HAUS6: variants seen among roughly 807,000 people sequenced by gnomAD.
The protein encoded by HAUS6 is HAUS augmin-like complex subunit 6.
In HAUS6, 80 loss-of-function variants were observed where a neutral mutation model predicts 106.8. The ratio of observed to expected loss-of-function variants is 0.75; its 90% CI spans 0.63 to 0.90. The LOEUF (loss-of-function observed/expected upper bound fraction) is 0.90, where lower values mean the gene tolerates loss of function less well. Ranked by LOEUF, HAUS6 falls within the 40% of genes least tolerant of loss-of-function variation. HAUS6 has a pLI of 0.00. For missense variants in HAUS6, 1,155 were observed against 1,118.1 expected, an observed-to-expected ratio of 1.03 and a Z score of -0.47; for synonymous variants, 356 against 379.1, an observed-to-expected ratio of 0.94 and a Z score of 0.71.
At position 19,065,836 on chromosome 9, in the gene HAUS6, C is replaced by T. The variant is rs149901274; in HGVS notation, c.1377-2256G>A. Among the ~76,000 whole-genome samples, 798 of 152,082 alleles carry T rather than the reference C, an allele frequency of 5.2e-3. 5 individuals are homozygous for T. The highest frequency in any genetic ancestry group is 0.019 in the African/African-American group (768 of 41,486). On this transcript the variant is annotated intron_variant, in intron 12 of 16. Coordinates refer to ENST00000380502, the MANE Select transcript of HAUS6 (RefSeq NM_017645.5). ...AGCCTGGGCAACAGGAACGAAACTC[C>T]GCCTCAAAAATAAATTAATGAATAA...
intron 12 of HAUS6, among the ~76,000 whole-genome samples, chr9:19,066,523 G>T (rs184561950): frequency 6.6e-5 from 10 of 152,128 alleles, no homozygotes; most frequent in Non-Finnish European, 1.3e-4. Context: ...AAACATAGAA[G>T]TTAGATGTCT....
chr9:19,063,875 A>T, intron 12 of HAUS6: 1 of 518,584 alleles, frequency 1.9e-6, no homozygotes, highest in Non-Finnish European at 3.7e-6. Context: ...CACAACTTGA[A>T]CACAGGTTAA....
intron 5 of HAUS6, 47 bp from the exon 6 acceptor site, chr9:19,087,203 A>C (rs1293888890): frequency 1.0e-6 from 1 of 998,098 alleles, no homozygotes; most frequent in Non-Finnish European, 1.6e-6. Context: ...ATTACGATTA[A>C]TTAGTATAGC....
Position 19,096,689 on chromosome 9 carries a change from G to C in HAUS6, c.209C>G (p.Thr70Ser). The change falls in exon 2 of 17, where the codon ACC becomes AGC. Residue 70 changes from threonine (T) to serine (S), a missense_variant. Coordinates refer to ENST00000380502, the MANE Select transcript of HAUS6 (RefSeq NM_017645.5). ...FLFQVLDQSL[T>S]KEVFKFCWPP... ...TTTTCCTTACTTGAAAACTTCTTTG[G>C]TGAGAGACTGGTCCAGAACTTGAAA... The C allele has an allele frequency of 6.8e-7, 1 of 1,468,932 alleles. No homozygotes were observed. Among genetic ancestry groups the C allele is most frequent in the Non-Finnish European group, 9.3e-7 (1 of 1,075,384 alleles). 91.0% of individuals were successfully genotyped at this position (1,468,932 alleles called of 1,614,324 possible).
At chr9:19,097,772 A>AG (rs1817894758) in intron 1 of HAUS6, among the ~76,000 whole-genome samples, 1 of 151,794 alleles carries the variant, frequency 6.6e-6, no homozygotes, top group African/African-American at 2.4e-5. Context: ...AAGCCTAAAA[A>AG]AAAAAAAAGT....
chr9:19,097,387 T>C (rs1564022770), intron 1 of HAUS6, among the ~76,000 whole-genome samples: 1 of 151,730 alleles, frequency 6.6e-6, no homozygotes, highest in African/African-American at 2.4e-5. Context: ...TAAAATGAAC[T>C]CAAACAAATT....
rs1427112850 is a variant in HAUS6, at chr9:19,089,540, T to C, written c.456A>G (p.Val152=). The C allele has an allele frequency of 2.5e-6, 4 of 1,609,546 alleles. No individual in the cohort carries two copies. Among genetic ancestry groups the C allele is most frequent in the South Asian group, 2.2e-5 (2 of 90,808 alleles). The change falls in exon 5 of 17, where the codon GTA becomes GTG. Residue 152 remains valine (V), a synonymous_variant. Coordinates refer to ENST00000380502, the MANE Select transcript of HAUS6 (RefSeq NM_017645.5). ...SNSKNSSHHF[V]ETFNIKPQDL... ...CCTGTGGTTTTATGTTAAATGTCTCTACAAAATGATGAGAAGAATCTACAC... is the reference window on the plus strand; with the variant it reads ...CCTGTGGTTTTATGTTAAATGTCTCCACAAAATGATGAGAAGAATCTACAC...
chr9:19,085,794 T>A (rs1010448316), intron 7 of HAUS6, among the ~76,000 whole-genome samples: 5 of 152,160 alleles, frequency 3.3e-5, no homozygotes, highest in African/African-American at 1.2e-4. Context: ...TTTATTTAGA[T>A]AAATTAATAC....
intron 5 of HAUS6, among the ~76,000 whole-genome samples, chr9:19,087,594 C>A (rs1379231476): frequency 2.0e-5 from 3 of 152,264 alleles, no homozygotes; most frequent in African/African-American, 7.2e-5. Context: ...ATGGCTCACA[C>A]CTGTAATGCC....
rs4977493 is a variant in HAUS6 at position 19,058,485 on chromosome 9, C to A, written c.2282G>T (p.Ser761Ile). The change falls in exon 16 of 17, where the codon AGT (serine) becomes ATT (isoleucine). Residue 761 changes from serine (S) to isoleucine (I), a missense_variant. Ser to Ile is a moderately radical substitution (Grantham distance 142). This residue lies in a region of HAUS6 where 380 missense variants were observed against 394.8 expected (regional missense o/e 0.96). Transcript: ENST00000380502. ...TTTAAAACTCTTAGAACTAATTCCACTTGATATCTGAAAAGAATTCCACAA... is the reference window on the plus strand; with the variant it reads ...TTTAAAACTCTTAGAACTAATTCCAATTGATATCTGAAAAGAATTCCACAA... Reference protein sequence around the residue: ...TMLWNSFQISSGISSKSFKDN... With the variant: ...TMLWNSFQISIGISSKSFKDN... 0.13 allele frequency: 198,393 copies of A among 1,583,898 alleles called. 13,232 individuals carry two copies. Among genetic ancestry groups the A allele is most frequent in the Admixed American group, 0.14 (8,044 of 57,612 alleles).
chr9:19,102,612 G>T lies in HAUS6; in HGVS notation c.40C>A (p.Leu14Ile). Reference sequence around the variant, plus strand: ...CCGAGCGCCTGCAGATACATCCAGAGATGCTCCTTCTCGAAAGCGGTGACC... The same window carrying T: ...CCGAGCGCCTGCAGATACATCCAGATATGCTCCTTCTCGAAAGCGGTGACC... ...ASVTAFEKEH[L>I]WMYLQALGFE... The change falls in exon 1 of 17, where the codon CTC becomes ATC. Residue 14 changes from leucine to isoleucine, a missense_variant. Leu to Ile is a conservative substitution (Grantham distance 5). Around this residue, in one of 3 missense-constraint regions of HAUS6, gnomAD observed 761 missense variants for 690.0 expected, o/e 1.10. Coordinates refer to ENST00000380502, the MANE Select transcript of HAUS6 (RefSeq NM_017645.5). 1 of 1,613,538 alleles carries T rather than the reference G, an allele frequency of 6.2e-7. No homozygotes were observed. Among genetic ancestry groups the T allele is most frequent in the Non-Finnish European group, 8.5e-7 (1 of 1,179,724 alleles).
intron 1 of HAUS6, among the ~76,000 whole-genome samples, chr9:19,097,076 A>C (rs1817880044): frequency 6.6e-6 from 1 of 152,220 alleles, no homozygotes; most frequent in African/African-American, 2.4e-5. Context: ...GTAACAACCT[A>C]CATTTACTGA....
At position 19,080,863 on chromosome 9, in the gene HAUS6, G is replaced by A. The variant is rs144103585; in HGVS notation, c.871-191C>T. Reference sequence around the variant, plus strand: ...TGGTGGGGGCGGATCACCTGAGGTCGGGAGTTCGAGACCAGCCTGACCAAC... The same window carrying A: ...TGGTGGGGGCGGATCACCTGAGGTCAGGAGTTCGAGACCAGCCTGACCAAC... On this transcript the variant is annotated intron_variant, in intron 8 of 16. Transcript: ENST00000380502. Among the ~76,000 whole-genome samples the A allele has an allele frequency of 3.1e-3, 467 of 152,156 alleles. 3 individuals carry two copies. The highest frequency in any genetic ancestry group is 0.011 in the African/African-American group (443 of 41,500).
At position 19,096,732 on chromosome 9, in the gene HAUS6, T is replaced by A. The variant is rs755635700; in HGVS notation, c.166A>T (p.Ile56Leu). The A allele has an allele frequency of 1.9e-6, 3 of 1,567,388 alleles. No individual in the cohort carries two copies. Among genetic ancestry groups the A allele is most frequent in the Non-Finnish European group, 2.6e-6 (3 of 1,153,040 alleles). Residue 56 changes from isoleucine to leucine, a missense_variant, in exon 2 of 17, where the codon ATA (isoleucine) becomes TTA (leucine). Coordinates refer to ENST00000380502, the MANE Select transcript of HAUS6 (RefSeq NM_017645.5). ...ACTTGAAACAAAAAATAAGAAATTA[T>A]ATGAAAGGCATCACGGTTCAGCTTG... ...FDKLNRDAFHIISYFLFQVLD... is the reference protein window; with the variant it reads ...FDKLNRDAFHLISYFLFQVLD...
At chr9:19,101,322 A>C (rs899036063) in intron 1 of HAUS6, among the ~76,000 whole-genome samples, 1 of 152,088 alleles carries the variant, frequency 6.6e-6, no homozygotes, top group Non-Finnish European at 1.5e-5. Flanking sequence ...GGAGCTCAAG[A>C]CCAGCCTGGG....
intron 9 of HAUS6, among the ~76,000 whole-genome samples, chr9:19,079,366 G>A (rs1449722313): frequency 2.0e-5 from 3 of 150,964 alleles, no homozygotes. Flanking sequence ...TAAGTAGCTG[G>A]GATTACAGGC....
At chr9:19,069,292 A>G (rs888367758) in intron 12 of HAUS6, among the ~76,000 whole-genome samples, 2 of 152,232 alleles carry the variant, frequency 1.3e-5, no homozygotes, top group South Asian at 2.1e-4. Context: ...ATGAAACTCA[A>G]TATTTAGATA....
chr9:19,095,276 C>T (rs887765947), intron 2 of HAUS6, among the ~76,000 whole-genome samples: 1 of 152,030 alleles, frequency 6.6e-6, no homozygotes, highest in Admixed American at 6.6e-5. Context: ...CTTTCACAGT[C>T]AGGCTTTTCC....
intron 9 of HAUS6, 123 bp from the exon 10 acceptor site, chr9:19,078,425 T>C: frequency 3.3e-6 from 2 of 603,166 alleles, no homozygotes; most frequent in East Asian, 2.9e-5. Flanking sequence ...TCAATCAATA[T>C]ACCACATATA....
Sources: gnomAD v4.1 joint callset for allele counts (sites outside exome capture counted in the v4.1 genomes callset) on GRCh38, gnomAD v4.1.1 for gene constraint, gnomAD v4.1.1 regional missense constraint, MANE v1.5 for transcripts, NCBI Gene and HGNC (gene_info 2026-07-23, HGNC 2026-07-21) for gene names.